Variants in PCDH7 observed in about 807,000 individuals in gnomAD.
The protein encoded by PCDH7 is protocadherin 7, also known as protocadherin-7.
PCDH7 carries 17 observed loss-of-function variants against 58.9 expected under a neutral mutation model. The observed-to-expected ratio is 0.29, with a 90% CI of 0.20 to 0.43. The LOEUF (loss-of-function observed/expected upper bound fraction) is 0.43, where lower values mean the gene tolerates loss of function less well. PCDH7 is among the 20% of genes least tolerant of loss of function. PCDH7 has a pLI of 1.00. For missense variants in PCDH7, 1,274 were observed against 1,441.0 expected (o/e 0.88, Z 1.88); for synonymous variants, 664 against 616.4 (o/e 1.08, Z -1.14).
intron 3 of PCDH7, among the ~76,000 whole-genome samples, chr4:30,986,590 G>A (rs1750986895): frequency 6.6e-6 from 1 of 151,810 alleles, no homozygotes; most frequent in African/African-American, 2.4e-5. Context: ...ATATCATTAT[G>A]AAGAAATGGT....
chr4:30,948,658 T>G (rs185359671), intron 2 of PCDH7, among the ~76,000 whole-genome samples: 60 of 152,294 alleles, frequency 3.9e-4, no homozygotes, highest in African/African-American at 1.4e-3. Context: ...AAATTAAGTT[T>G]GCTACTTTGA....
At chr4:30,835,577 G>A (rs1257690983) in intron 1 of PCDH7, among the ~76,000 whole-genome samples, 1 of 152,170 alleles carries the variant, frequency 6.6e-6, no homozygotes, top group Non-Finnish European at 1.5e-5. Context: ...CCAATCATAT[G>A]GAGGTCTCAT....
intron 3 of PCDH7, among the ~76,000 whole-genome samples, chr4:31,088,730 A>G (rs958004828): frequency 6.6e-6 from 1 of 152,000 alleles, no homozygotes; most frequent in Non-Finnish European, 1.5e-5. Flanking sequence ...ATGTCAAACA[A>G]GTGCATCTGC....
At chr4:30,825,313 TG>T (rs1413259957) in intron 1 of PCDH7, among the ~76,000 whole-genome samples, 1 of 152,180 alleles carries the variant, frequency 6.6e-6, no homozygotes, top group Middle Eastern at 3.2e-3. Flanking sequence ...TATTATGTTT[TG>T]GTGTAATGTA....
chr4:30,887,137 T>A (rs562921140), intron 1 of PCDH7, among the ~76,000 whole-genome samples: 183 of 151,724 alleles, frequency 1.2e-3, no homozygotes, highest in African/African-American at 4.2e-3. Flanking sequence ...ATAATAATAA[T>A]AAAAAAAAGC....
At chr4:31,074,348 A>C (rs187309043) in intron 3 of PCDH7, among the ~76,000 whole-genome samples, 21 of 152,020 alleles carry the variant, frequency 1.4e-4, no homozygotes, top group African/African-American at 5.1e-4. Flanking sequence ...TGAATGGATG[A>C]AGATATAGCA....
chr4:31,137,073 T>A (rs1719689386), intron 3 of PCDH7, among the ~76,000 whole-genome samples: 1 of 152,262 alleles, frequency 6.6e-6, no homozygotes, highest in Non-Finnish European at 1.5e-5. Context: ...CATTTTTCAC[T>A]GATCTTTTGT....
At chr4:30,832,174 A>G (rs977999927) in intron 1 of PCDH7, among the ~76,000 whole-genome samples, 1 of 152,140 alleles carries the variant, frequency 6.6e-6, no homozygotes, top group Non-Finnish European at 1.5e-5. Context: ...GGGGGAATGA[A>G]ACCTGGTTTC....
intron 3 of PCDH7, among the ~76,000 whole-genome samples, chr4:31,088,733 G>A (rs1712817535): frequency 6.6e-6 from 1 of 151,838 alleles, no homozygotes; most frequent in South Asian, 2.1e-4. Flanking sequence ...TCAAACAAGT[G>A]CATCTGCTCT....
chr4:30,951,058 C>T (rs889134853), intron 3 of PCDH7, among the ~76,000 whole-genome samples: 1 of 152,114 alleles, frequency 6.6e-6, no homozygotes, highest in Non-Finnish European at 1.5e-5. Context: ...AGTCTTGTGA[C>T]TCTCTCAGGT....
intron 1 of PCDH7, among the ~76,000 whole-genome samples, chr4:30,771,061 G>T (rs1721336462): frequency 6.6e-6 from 1 of 151,916 alleles, no homozygotes; most frequent in Non-Finnish European, 1.5e-5. Flanking sequence ...ATTTCTATTG[G>T]GAGCTAACAT....
intron 1 of PCDH7, among the ~76,000 whole-genome samples, chr4:30,799,542 A>G (rs1009405851): frequency 6.6e-6 from 1 of 152,180 alleles, no homozygotes; most frequent in Non-Finnish European, 1.5e-5. Flanking sequence ...TCCCATATCA[A>G]TCACATTCAA....
Position 30,992,793 on chromosome 4 carries a change from C to CTT in PCDH7, c.*7+42602_*7+42603dup, listed in dbSNP as rs577504420. On this transcript the variant is annotated intron_variant, in intron 3 of 3. Transcript: ENST00000509759. ...GGCCAAGGAGGACTACTGTCCCATT[C>CTT]TTTTTTTTTTTTTTTTTTTTTTTTT... Among the ~76,000 whole-genome samples the CTT allele has an allele frequency of 4.7e-3, 453 of 95,616 alleles. 13 individuals carry two copies. Among genetic ancestry groups the CTT allele is most frequent in the African/African-American group, 0.013 (283 of 22,284 alleles). 62.7% of individuals were successfully genotyped at this position (95,616 alleles called of 152,430 possible).
At chr4:30,773,526 G>A (rs1002323975) in intron 1 of PCDH7, among the ~76,000 whole-genome samples, 5 of 151,302 alleles carry the variant, frequency 3.3e-5, no homozygotes, top group Non-Finnish European at 5.9e-5. Flanking sequence ...GTATTGCTTA[G>A]GAATGCACTC....
At chr4:30,724,694 T>C (rs1714361103) in intron 1 of PCDH7, 98 bp downstream of exon 1, 1 of 1,462,512 alleles carries the variant, frequency 6.8e-7, no homozygotes, top group Non-Finnish European at 9.0e-7. Context: ...GTTTTTAAAG[T>C]TATTAAAATT....
At chr4:31,103,660 T>C (rs1335995778) in intron 3 of PCDH7, among the ~76,000 whole-genome samples, 1 of 152,136 alleles carries the variant, frequency 6.6e-6, no homozygotes, top group African/African-American at 2.4e-5. Context: ...GCTCTGATCT[T>C]CCTGATTCTC....
At chr4:30,953,191 T>A (rs930327413) in intron 3 of PCDH7, among the ~76,000 whole-genome samples, 2 of 152,144 alleles carry the variant, frequency 1.3e-5, no homozygotes, top group African/African-American at 4.8e-5. Context: ...TTTTGGGACA[T>A]CTTTAACTTT....
chr4:30,966,878 G>T (rs1245647956), intron 3 of PCDH7, among the ~76,000 whole-genome samples: 1 of 152,072 alleles, frequency 6.6e-6, no homozygotes, highest in Non-Finnish European at 1.5e-5. Flanking sequence ...AGTAAGAAGA[G>T]CATCAAAATG....
rs143251907 is a variant in PCDH7, at chr4:30,723,135, C to T, written c.1713C>T (p.Ala571=). The change falls in exon 1 of 2, where the codon GCC becomes GCT. Residue 571 remains alanine, a synonymous_variant. Coordinates refer to ENST00000361762, the Ensembl canonical transcript of PCDH7. The surrounding 1 kb of genome is among the most constrained non-coding windows in gnomAD (Gnocchi z 4.6). ...ACAGCGGTAAGAACGCCGAGATCGC[C>T]TACTCGCTGGACTCCTCTGTGATGG... is the stretch of plus-strand genomic sequence containing the variant. 3.1e-6 allele frequency: 5 copies of T among 1,613,972 alleles called. No individual in the cohort carries two copies. The highest frequency in any genetic ancestry group is 1.3e-5 in the African/African-American group (1 of 74,918).
Sources: gnomAD v4.1 joint callset for allele counts (sites outside exome capture counted in the v4.1 genomes callset) on GRCh38, gnomAD v4.1.1 for gene constraint, Gnocchi (gnomAD v3.1) non-coding constraint, MANE v1.5 for transcripts, NCBI Gene and HGNC (gene_info 2026-07-23, HGNC 2026-07-21) for gene names.